The following EML6 variants were observed in gnomAD, a reference collection of about 807,000 sequenced individuals.
The protein encoded by EML6 is echinoderm microtubule-associated protein-like 6.
Under a neutral mutation model 240.1 loss-of-function variants are expected in EML6, and 154 were observed. The ratio of observed to expected loss-of-function variants is 0.64; its 90% CI spans 0.56 to 0.73. The LOEUF is 0.73. Among genes scored for constraint, EML6 ranks in the 30% least tolerant of loss-of-function variants. The pLI, the probability that EML6 is intolerant of heterozygous loss-of-function variation, is 0.00. For missense variants in EML6, 2,964 were observed against 2,474.6 expected, an observed-to-expected ratio of 1.20 and a Z score of -4.20; for synonymous variants, 1,148 against 899.0, an observed-to-expected ratio of 1.28 and a Z score of -4.95.
chr2:54,849,902 A>C, intron 9 of EML6, 60 bp from the exon 10 acceptor site: 1 of 1,409,834 alleles, frequency 7.1e-7, no homozygotes, highest in South Asian at 1.3e-5. Context: ...CATATATTTT[A>C]AAACTTGGAT....
chr2:54,819,660 C>T (rs1291554803), intron 4 of EML6, among the ~76,000 whole-genome samples: 5 of 151,552 alleles, frequency 3.3e-5, no homozygotes, highest in Admixed American at 2.6e-4. Context: ...CCTGTAGTCC[C>T]AGCTACTCGG....
Position 54,806,612 on chromosome 2 carries a change from CAAAAAAAAAAAAAAAAAAAA to C in EML6, c.198-6607_198-6588del, listed in dbSNP as rs58185994. Among the ~76,000 whole-genome samples the C allele has an allele frequency of 7.2e-3, 381 of 52,884 alleles. 5 individuals are homozygous for C. The highest frequency in any genetic ancestry group is 0.027 in the African/African-American group (352 of 13,270). The allele number at this position is 52,884 out of a possible 152,430, so 34.7% of individuals were successfully genotyped here. On this transcript the variant is annotated intron_variant, in intron 2 of 41. Transcript: ENST00000356458. ...TGGGCAACAAGAGTGACTCCGTCTCCAAAAAAAAAAAAAAAAAAAAAAAAAAAAAAAAGAATGTCCGTTTC... is the reference window on the plus strand; with the variant it reads ...TGGGCAACAAGAGTGACTCCGTCTCCAAAAAAAAAAAAGAATGTCCGTTTC...
At chr2:54,769,514 C>T (rs142425808) in intron 2 of EML6, among the ~76,000 whole-genome samples, 330 of 152,258 alleles carry the variant, frequency 2.2e-3, no homozygotes, top group Non-Finnish European at 2.9e-3. Context: ...ATCCTCACCC[C>T]CAGCCACCCC....
At chr2:54,944,201 C>G (rs1675568109) in intron 28 of EML6, among the ~76,000 whole-genome samples, 1 of 152,178 alleles carries the variant, frequency 6.6e-6, no homozygotes, top group African/African-American at 2.4e-5. Flanking sequence ...CTCAGTGGAA[C>G]TTCCAACTAA....
chr2:54,923,717 T>C (rs542294453), intron 26 of EML6, among the ~76,000 whole-genome samples: 54 of 152,288 alleles, frequency 3.5e-4, no homozygotes, highest in African/African-American at 1.3e-3. Context: ...CTCATGTACC[T>C]ATATAAACAT....
At chr2:54,917,683 C>G (rs535502357) in intron 26 of EML6, among the ~76,000 whole-genome samples, 2 of 152,246 alleles carry the variant, frequency 1.3e-5, no homozygotes, top group Admixed American at 1.3e-4. Context: ...AAATAAAGTT[C>G]TACCTTCTGA....
chr2:54,866,765 G>A lies in EML6; in HGVS notation c.1933-1G>A. ...CCCAGATGTTTCTGTTGTACTTTAA[G>A]GTTTACAAAGAAGATCTACCTCAGC... On this transcript the variant is annotated splice_acceptor_variant, in intron 13 of 41. Coordinates refer to ENST00000356458, the MANE Select transcript of EML6 (RefSeq NM_001039753.4). LOFTEE classifies it high-confidence loss of function. The A allele has an allele frequency of 6.5e-7, 1 of 1,540,106 alleles. No individual in the cohort carries two copies. The highest frequency in any genetic ancestry group is 8.8e-7 in the Non-Finnish European group (1 of 1,136,882).
chr2:54,954,474 T>C (rs1304880551), intron 32 of EML6, among the ~76,000 whole-genome samples: 1 of 152,190 alleles, frequency 6.6e-6, no homozygotes, highest in Non-Finnish European at 1.5e-5. Flanking sequence ...CTTAGCCACC[T>C]TCCTACCCAA....
chr2:54,755,615 C>A (rs1344212374), intron 2 of EML6, among the ~76,000 whole-genome samples: 1 of 152,066 alleles, frequency 6.6e-6, no homozygotes, highest in Non-Finnish European at 1.5e-5. Context: ...AGATGGTATA[C>A]TTTCAATGTT....
At position 54,968,208 on chromosome 2, in the gene EML6, C is replaced by G; in HGVS notation, c.5678C>G (p.Ala1893Gly). The G allele has an allele frequency of 6.4e-7, 1 of 1,551,740 alleles. No individual in the cohort carries two copies. The highest frequency in any genetic ancestry group is 1.2e-5 in the South Asian group (1 of 84,060). ...ADVNCACVTH[A>G]GLNIVTGDDF... ...GTCAACTGCGCATGTGTGACCCACG[C>G]TGGCCTGAACATTGTCACAGGAGAT... The change falls in exon 40 of 42, where the codon GCT (alanine) becomes GGT (glycine). Residue 1893 changes from alanine (A) to glycine (G), a missense_variant. By Grantham distance (60) the Ala-to-Gly change is moderately conservative. Coordinates refer to ENST00000356458, the MANE Select transcript of EML6 (RefSeq NM_001039753.4).
chr2:54,801,738 A>C (rs1423143916), intron 2 of EML6, among the ~76,000 whole-genome samples: 1 of 152,236 alleles, frequency 6.6e-6, no homozygotes, highest in Non-Finnish European at 1.5e-5. Flanking sequence ...AACCTAATGC[A>C]ATTTTTCAAA....
At chr2:54,733,560 C>A (rs550752860) in intron 2 of EML6, among the ~76,000 whole-genome samples, 2 of 152,262 alleles carry the variant, frequency 1.3e-5, no homozygotes, top group Admixed American at 1.3e-4. Context: ...CCCTGTGCAT[C>A]ACAGGGATTC....
intron 2 of EML6, among the ~76,000 whole-genome samples, chr2:54,741,958 C>T (rs1683657561): frequency 6.6e-6 from 1 of 152,190 alleles, no homozygotes; most frequent in Admixed American, 6.5e-5. Context: ...CATTGTCCTC[C>T]ACCACCAGAT....
At chr2:54,871,125 C>T (rs1317809214) in intron 15 of EML6, among the ~76,000 whole-genome samples, 2 of 152,244 alleles carry the variant, frequency 1.3e-5, no homozygotes, top group Admixed American at 6.5e-5. Context: ...CTCTGGATAG[C>T]GTCATGACAA....
At chr2:54,865,228 C>T (rs985893068) in intron 13 of EML6, among the ~76,000 whole-genome samples, 1 of 151,490 alleles carries the variant, frequency 6.6e-6, no homozygotes, top group Non-Finnish European at 1.5e-5. Flanking sequence ...GTGGCTCATT[C>T]CTGTAATACC....
At chr2:54,964,232 A>G in intron 37 of EML6, 74 bp downstream of exon 37, 1 of 1,430,240 alleles carries the variant, frequency 7.0e-7, no homozygotes, top group Non-Finnish European at 9.4e-7. Flanking sequence ...CATTCCAGCC[A>G]CGGCTGGAAT....
rs552863111 is a variant in EML6, at chr2:54,968,815, TCTCC to T, written c.5852+53_5852+56del. 1.3e-4 allele frequency: 140 copies of T among 1,051,516 alleles called. No homozygotes were observed. In the African/African-American group the frequency reaches 2.0e-3, roughly 15 times the overall value. The allele number at this position is 1,051,516 out of a possible 1,614,324, so 65.1% of individuals were successfully genotyped here. ...TTCTTACTCCACAGGCCTGGCCAGCTCTCCCTCCCCATCTCAGGCATCCCGTGGG... is the reference window on the plus strand; with the variant it reads ...TTCTTACTCCACAGGCCTGGCCAGCTCTCCCCATCTCAGGCATCCCGTGGG... On this transcript the variant is annotated intron_variant, in intron 41 of 41. Coordinates refer to ENST00000356458, the MANE Select transcript of EML6 (RefSeq NM_001039753.4).
chr2:54,745,973 T>C (rs1321876503), intron 2 of EML6, among the ~76,000 whole-genome samples: 1 of 152,136 alleles, frequency 6.6e-6, no homozygotes, highest in East Asian at 1.9e-4. Context: ...AGCGAAAGAC[T>C]CTGCATGTGT....
Position 54,850,169 on chromosome 2 carries a change from C to T in EML6, c.1395C>T (p.Tyr465=). 1.9e-6 allele frequency: 3 copies of T among 1,551,520 alleles called. No individual in the cohort carries two copies. Among genetic ancestry groups the T allele is most frequent in the Admixed American group, 2.0e-5 (1 of 50,998 alleles). Residue 465 remains tyrosine (Y), a synonymous_variant, in exon 10 of 42, where the codon TAC becomes TAT. Coordinates refer to ENST00000356458, the MANE Select transcript of EML6 (RefSeq NM_001039753.4). ...THIDWSLDSK[Y]LQTNDGAGER... ...TTGACTGGTCCTTGGATAGTAAATACTTACAAACTAATGACGGTGCAGGAG... is the reference window on the plus strand; with the variant it reads ...TTGACTGGTCCTTGGATAGTAAATATTTACAAACTAATGACGGTGCAGGAG...
Sources: gnomAD v4.1 joint callset for allele counts (sites outside exome capture counted in the v4.1 genomes callset) on GRCh38, gnomAD v4.1.1 for gene constraint, MANE v1.5 for transcripts, NCBI Gene and HGNC (gene_info 2026-07-23, HGNC 2026-07-21) for gene names.